Variants in AKAP12 observed in about 807,000 individuals in gnomAD.
The protein encoded by AKAP12 is A-kinase anchor protein 12.
Under a neutral mutation model 79.9 loss-of-function variants are expected in AKAP12, and 32 were observed. That is an observed-to-expected ratio of 0.40 (90% confidence interval 0.30 to 0.54). The LOEUF (loss-of-function observed/expected upper bound fraction) is 0.54. AKAP12 is among the 20% of genes least tolerant of loss of function. The pLI is 0.48. For missense variants in AKAP12, 2,074 were observed against 2,177.0 expected, an observed-to-expected ratio of 0.95 and a Z score of 0.94; for synonymous variants, 808 against 857.0, an observed-to-expected ratio of 0.94 and a Z score of 1.00.
chr6:151,271,574 G>C (rs9371498), intron 2 of AKAP12, among the ~76,000 whole-genome samples: 2 of 151,650 alleles, frequency 1.3e-5, no homozygotes, highest in Non-Finnish European at 2.9e-5. Flanking sequence ...CGCCCACCTC[G>C]GCCTCCCAAA....
chr6:151,309,812 A>T (rs1777051261), intron 3 of AKAP12, among the ~76,000 whole-genome samples: 2 of 152,018 alleles, frequency 1.3e-5, no homozygotes, highest in Admixed American at 1.3e-4. Flanking sequence ...CTTTCTTCTG[A>T]GCTTTGGGAT....
chr6:151,305,148 C>A (rs1227333839), intron 2 of AKAP12, among the ~76,000 whole-genome samples: 3 of 151,232 alleles, frequency 2.0e-5, no homozygotes, highest in Non-Finnish European at 4.4e-5. Flanking sequence ...GTCCTGGACA[C>A]CCCCAGCCTC....
Position 151,352,139 on chromosome 6 carries a change from G to A in AKAP12, c.3748G>A (p.Val1250Met), listed in dbSNP as rs776397833. Residue 1250 changes from valine (V) to methionine (M), a missense_variant, in exon 4 of 5, where the codon GTG becomes ATG. By Grantham distance (21) the Val-to-Met change is conservative. Coordinates refer to ENST00000402676, the MANE Select transcript of AKAP12 (RefSeq NM_005100.4). ...CACTCTAGAGCATACAGATAAAGAG[G>A]TGTCAGTGGAAACTGTATCCATTCT... is the stretch of plus-strand genomic sequence containing the variant. ...EDTLEHTDKE[V>M]SVETVSILSK... The A allele has an allele frequency of 6.2e-6, 10 of 1,614,072 alleles. No homozygotes were observed. The East Asian group carries it at 6.7e-5, about 11-fold the overall frequency.
chr6:151,284,822 G>T (rs1217109807), intron 2 of AKAP12, among the ~76,000 whole-genome samples: 2 of 152,180 alleles, frequency 1.3e-5, no homozygotes, highest in African/African-American at 4.8e-5. Context: ...TGTCTTTGAT[G>T]TGTGGCACTT....
At chr6:151,323,247 C>T (rs187194866) in intron 3 of AKAP12, among the ~76,000 whole-genome samples, 1 of 152,154 alleles carries the variant, frequency 6.6e-6, no homozygotes, top group East Asian at 1.9e-4. Flanking sequence ...ATTTTAATTG[C>T]CTCTTTAAGA....
chr6:151,330,788 G>A (rs1048439190), intron 3 of AKAP12, among the ~76,000 whole-genome samples: 7 of 151,114 alleles, frequency 4.6e-5, no homozygotes, highest in African/African-American at 1.5e-4. Flanking sequence ...TCTCTTAATC[G>A]CTAAGTATTT....
At chr6:151,276,533 A>G (rs1254725219) in intron 2 of AKAP12, among the ~76,000 whole-genome samples, 4 of 152,258 alleles carry the variant, frequency 2.6e-5, no homozygotes, top group Non-Finnish European at 5.9e-5. Flanking sequence ...AACTTTGCTT[A>G]GTCAACGGTC....
intron 2 of AKAP12, among the ~76,000 whole-genome samples, chr6:151,247,853 C>G (rs1797106469): frequency 6.6e-6 from 1 of 152,190 alleles, no homozygotes; most frequent in Non-Finnish European, 1.5e-5. Context: ...AGGAAACCAT[C>G]TGGGACACCG....
intron 3 of AKAP12, among the ~76,000 whole-genome samples, chr6:151,347,954 G>A (rs1165715487): frequency 6.6e-6 from 1 of 151,542 alleles, no homozygotes; most frequent in Non-Finnish European, 1.5e-5. Flanking sequence ...GGTGGATCAC[G>A]AGGTCAGAAG....
In AKAP12 at chr6:151,356,836, T is replaced by A. The variant is rs1158459145; in HGVS notation, c.*1122T>A. 1 of 152,162 alleles carries A rather than the reference T, an allele frequency of 6.6e-6. No homozygotes were observed. The highest frequency in any genetic ancestry group is 2.4e-5 in the African/African-American group (1 of 41,390). The allele number at this position is 152,162 out of a possible 1,614,324, so 9.4% of individuals were successfully genotyped here. On this transcript the variant is annotated 3_prime_UTR_variant, in exon 5 of 5. Coordinates refer to ENST00000402676, the MANE Select transcript of AKAP12 (RefSeq NM_005100.4). Reference sequence around the variant, plus strand: ...ACATATGTGTACCACATTAGAATTCTAAAGATAATGATTGATAAGCTAGAA... The same window carrying A: ...ACATATGTGTACCACATTAGAATTCAAAAGATAATGATTGATAAGCTAGAA...
intron 2 of AKAP12, among the ~76,000 whole-genome samples, chr6:151,244,901 C>T (rs1472849554): frequency 1.3e-5 from 2 of 152,166 alleles, no homozygotes; most frequent in Admixed American, 6.5e-5. Flanking sequence ...TCCATTACAG[C>T]TTATAGGCTA....
intron 4 of AKAP12, among the ~76,000 whole-genome samples, chr6:151,354,967 C>T (rs1778406710): frequency 6.6e-6 from 1 of 152,066 alleles, no homozygotes; most frequent in East Asian, 1.9e-4. Context: ...AGTCGTGAGC[C>T]ACTGTGCTCA....
intron 3 of AKAP12, among the ~76,000 whole-genome samples, chr6:151,307,251 C>T (rs1207138816): frequency 6.6e-6 from 1 of 152,118 alleles, no homozygotes; most frequent in Non-Finnish European, 1.5e-5. Flanking sequence ...TTACAGCAAC[C>T]CTATGAAGTA....
At chr6:151,267,941 G>A (rs897520412) in intron 2 of AKAP12, among the ~76,000 whole-genome samples, 1 of 152,134 alleles carries the variant, frequency 6.6e-6, no homozygotes, top group African/African-American at 2.4e-5. Flanking sequence ...TGATAGAGTG[G>A]GCTGAATGGT....
chr6:151,253,892 A>G (rs1935101522), intron 2 of AKAP12, among the ~76,000 whole-genome samples: 1 of 151,962 alleles, frequency 6.6e-6, no homozygotes, highest in Admixed American at 6.6e-5. Context: ...TATTTTTAGT[A>G]GAGACGGGGT....
At chr6:151,295,736 T>G (rs948485981) in intron 2 of AKAP12, among the ~76,000 whole-genome samples, 9 of 152,210 alleles carry the variant, frequency 5.9e-5, no homozygotes, top group Non-Finnish European at 1.2e-4. Context: ...GGTGAATAGC[T>G]CCTACTCGGC....
intron 3 of AKAP12, among the ~76,000 whole-genome samples, chr6:151,310,523 A>G (rs1367655392): frequency 6.6e-6 from 1 of 152,218 alleles, no homozygotes; most frequent in Admixed American, 6.5e-5. Flanking sequence ...GCTGGGGTCC[A>G]GGATTTTGAG....
intron 2 of AKAP12, among the ~76,000 whole-genome samples, chr6:151,304,309 G>T (rs1776926583): frequency 6.6e-6 from 1 of 151,338 alleles, no homozygotes; most frequent in African/African-American, 2.4e-5. Context: ...GGCCAACATG[G>T]CAAACCACGT....
rs1778464446 is a variant in AKAP12, at chr6:151,357,208, GA to G, written c.*1495del. On this transcript the variant is annotated 3_prime_UTR_variant, in exon 5 of 5. Transcript: ENST00000402676. ...TGTTTGTTTGTTTGTTTGTTTTTGA[GA>G]CAGAGTTTCGCTCTTGTTGCCCAGG... 3 of 154,556 alleles carry G rather than the reference GA, an allele frequency of 1.9e-5. No homozygotes were observed. The highest frequency in any genetic ancestry group is 1.3e-4 in the Admixed American group (2 of 15,330). 9.6% of individuals were successfully genotyped at this position (154,556 alleles called of 1,614,324 possible).
Sources: gnomAD v4.1 joint callset for allele counts (sites outside exome capture counted in the v4.1 genomes callset) on GRCh38, gnomAD v4.1.1 for gene constraint, MANE v1.5 for transcripts, NCBI Gene and HGNC (gene_info 2026-07-23, HGNC 2026-07-21) for gene names.